The following CEP164 variants were observed in gnomAD, a reference collection of about 807,000 sequenced individuals.
The protein encoded by CEP164 is centrosomal protein 164, also known as centrosomal protein of 164 kDa.
Under a neutral mutation model 182.7 loss-of-function variants are expected in CEP164, and 162 were observed. The ratio of observed to expected loss-of-function variants is 0.89; its 90% CI spans 0.78 to 1.01. The LOEUF (loss-of-function observed/expected upper bound fraction) is 1.01. Ranked by LOEUF, CEP164 falls within the 50% of genes least tolerant of loss-of-function variation. CEP164 has a pLI of 0.00. For synonymous variants in CEP164, 661 were observed against 690.0 expected (o/e 0.96, Z 0.66); for missense variants, 1,735 against 1,790.4 (o/e 0.97, Z 0.56).
chr11:117,373,893 G>A (rs1053270337), intron 10 of CEP164, 62 bp downstream of exon 10: 50 of 1,455,150 alleles, frequency 3.4e-5, no homozygotes, highest in Admixed American at 3.4e-5. Context: ...AGCCTCCAGG[G>A]TTAAGTAATT....
intron 5 of CEP164, among the ~76,000 whole-genome samples, chr11:117,353,875 A>C (rs774086922): frequency 1.3e-5 from 2 of 151,996 alleles, no homozygotes; most frequent in African/African-American, 2.4e-5. Flanking sequence ...AGCAATACCA[A>C]CTGGTTCCTT....
chr11:117,388,353 A>G (rs1410843408), intron 15 of CEP164, among the ~76,000 whole-genome samples: 6 of 152,252 alleles, frequency 3.9e-5, no homozygotes, highest in African/African-American at 1.2e-4. Flanking sequence ...AATGGTAGCA[A>G]TTACTTTTCA....
At chr11:117,389,448 T>A (rs1240921363) in intron 15 of CEP164, among the ~76,000 whole-genome samples, 1 of 152,250 alleles carries the variant, frequency 6.6e-6, no homozygotes, top group Non-Finnish European at 1.5e-5. Flanking sequence ...TGTCAGCTAC[T>A]ATGTGTGGTA....
rs1176636850 is a variant in CEP164 at position 117,410,128 on chromosome 11, G to A, written c.4096+163G>A. The A allele has an allele frequency of 3.9e-6, 3 of 762,156 alleles. No individual in the cohort carries two copies. The South Asian group carries it at 4.4e-5, about 11-fold the overall frequency. The allele number at this position is 762,156 out of a possible 1,614,324, so 47.2% of individuals were successfully genotyped here. ...CGTTACCATAGTCCATTGGTCCATT[G>A]ACTCTACCTGTGGGTCCCTGGGGAA... On this transcript the variant is annotated intron_variant, in intron 30 of 32. Coordinates refer to ENST00000278935, the MANE Select transcript of CEP164 (RefSeq NM_014956.5).
At chr11:117,328,518 T>C (rs1192983957) in intron 1 of CEP164, among the ~76,000 whole-genome samples, 3 of 152,196 alleles carry the variant, frequency 2.0e-5, no homozygotes, top group Non-Finnish European at 2.9e-5. Context: ...CCTAACTCAG[T>C]CCTTGGCAGT....
At chr11:117,387,495 A>G (rs537465658) in intron 15 of CEP164, 83 bp downstream of exon 15, 14 of 1,354,874 alleles carry the variant, frequency 1.0e-5, no homozygotes, top group Non-Finnish European at 1.4e-5. Context: ...CCTGGGGACC[A>G]CTGGGATGCC....
chr11:117,340,489 A>G (rs1254263507), intron 3 of CEP164, among the ~76,000 whole-genome samples: 2 of 152,132 alleles, frequency 1.3e-5, no homozygotes, highest in Middle Eastern at 3.2e-3. Flanking sequence ...CATGGATCTC[A>G]TGTTAAATGC....
intron 20 of CEP164, 151 bp downstream of exon 20, chr11:117,393,277 C>G (rs2044957875): frequency 7.3e-7 from 1 of 1,364,428 alleles, no homozygotes; most frequent in Non-Finnish European, 9.7e-7. Flanking sequence ...AGGGGATAAA[C>G]TGTGGTCAGG....
chr11:117,355,154 C>G (rs1041284431), intron 5 of CEP164: 2 of 1,289,868 alleles, frequency 1.6e-6, no homozygotes, highest in Non-Finnish European at 2.0e-6. Flanking sequence ...CAAAGGCCAA[C>G]CTTCCCAAAT....
chr11:117,409,093 G>A lies in CEP164; in HGVS notation c.3748+65G>A, dbSNP rs987853683. 1 of 1,601,986 alleles carries A rather than the reference G, an allele frequency of 6.2e-7. No homozygotes were observed. The highest frequency in any genetic ancestry group is 1.3e-5 in the African/African-American group (1 of 74,880). On this transcript the variant is annotated intron_variant, in intron 29 of 32. Coordinates refer to ENST00000278935, the MANE Select transcript of CEP164 (RefSeq NM_014956.5). This position sits in a 1 kb window ranked among gnomAD's most constrained non-coding sequence, Gnocchi z 4.4. The stretch of plus-strand genomic sequence containing the variant: ...TGGAATGGGAGGAACTTGGGGAATA[G>A]AAGAAGAGCTCTCTTCCCTCAGCCC...
At chr11:117,350,406 T>G (rs1056757510) in intron 4 of CEP164, among the ~76,000 whole-genome samples, 1 of 152,168 alleles carries the variant, frequency 6.6e-6, no homozygotes, top group African/African-American at 2.4e-5. Flanking sequence ...AGTCTCACTG[T>G]GTTGCCCAGG....
intron 8 of CEP164, among the ~76,000 whole-genome samples, chr11:117,368,566 C>A (rs903716580): frequency 1.3e-5 from 2 of 152,196 alleles, no homozygotes; most frequent in African/African-American, 4.8e-5. Context: ...CCGGGGGGAG[C>A]CTTTCTTTAA....
In CEP164 at chr11:117,391,218, G is replaced by C; in HGVS notation, c.2283+3G>C. On this transcript the variant is annotated splice_donor_region_variant and intron_variant, in intron 17 of 32. Transcript: ENST00000278935. ...AGCTGGAAGGGGAGAGGAAAGAAGT[G>C]AGCTAGTCAAGTGGGGACCTCACCC... 6.2e-7 allele frequency: 1 copy of C among 1,604,362 alleles called. No homozygotes were observed. Among genetic ancestry groups the C allele is most frequent in the East Asian group, 2.2e-5 (1 of 44,588 alleles).
intron 7 of CEP164, among the ~76,000 whole-genome samples, chr11:117,363,171 A>G (rs1447129121): frequency 6.6e-6 from 1 of 152,186 alleles, no homozygotes; most frequent in Non-Finnish European, 1.5e-5. Flanking sequence ...GCAGTCTATT[A>G]TGTCTTCTAG....
At chr11:117,339,530 T>G (rs1440412211) in intron 3 of CEP164, among the ~76,000 whole-genome samples, 73 of 127,858 alleles carry the variant, frequency 5.7e-4, no homozygotes, top group East Asian at 4.4e-3. Context: ...TTGTTTTTTT[T>G]TTTTTTTTTT....
At position 117,411,542 on chromosome 11, in the gene CEP164, C is replaced by T. The variant is rs534144124; in HGVS notation, c.4164-253C>T. 35 of 438,526 alleles carry T rather than the reference C, an allele frequency of 8.0e-5. 1 individual carries two copies. Among genetic ancestry groups the T allele is most frequent in the South Asian group, 5.4e-4 (23 of 42,416 alleles). 27.2% of individuals were successfully genotyped at this position (438,526 alleles called of 1,614,324 possible). A position where few individuals can be genotyped will look rare whatever the true frequency, so the allele number is the denominator to read the frequency against. ...TGCTGATGAGATTGGCGGGAGCAGG[C>T]GGATGTGGGAGCCCAGAGCCTTGTA... On this transcript the variant is annotated intron_variant, in intron 31 of 32. Transcript: ENST00000278935. This position sits in a 1 kb window ranked among gnomAD's most constrained non-coding sequence, Gnocchi z 4.4.
At chr11:117,336,669 G>C in intron 2 of CEP164, 1 of 898,608 alleles carries the variant, frequency 1.1e-6, no homozygotes, top group Non-Finnish European at 1.9e-6. Flanking sequence ...CGGCTGCCTG[G>C]GCTTGATGCG....
chr11:117,405,580 T>C (rs1365796163), intron 27 of CEP164, among the ~76,000 whole-genome samples: 1 of 152,228 alleles, frequency 6.6e-6, no homozygotes, highest in African/African-American at 2.4e-5. Context: ...AGCTGCAGAC[T>C]GGAGCTGTTC....
intron 2 of CEP164, chr11:117,336,480 AT>A (rs2037138543): frequency 6.7e-7 from 1 of 1,490,692 alleles, no homozygotes; most frequent in South Asian, 1.2e-5. Flanking sequence ...GGAAAGCTGG[AT>A]TGCCCTGGGG....
Sources: gnomAD v4.1 joint callset for allele counts (sites outside exome capture counted in the v4.1 genomes callset) on GRCh38, gnomAD v4.1.1 for gene constraint, Gnocchi (gnomAD v3.1) non-coding constraint, MANE v1.5 for transcripts, NCBI Gene and HGNC (gene_info 2026-07-23, HGNC 2026-07-21) for gene names.